ACAP3: variants seen among roughly 807,000 people sequenced by gnomAD.
The protein encoded by ACAP3 is ArfGAP with coiled-coil, ankyrin repeat and PH domains 3, also known as arf-GAP with coiled-coil, ANK repeat and PH domain-containing protein 3.
Under a neutral mutation model 104.1 loss-of-function variants are expected in ACAP3, and 56 were observed. The ratio of observed to expected loss-of-function variants is 0.54; its 90% CI spans 0.43 to 0.67. The LOEUF is 0.67. Among genes scored for constraint, ACAP3 ranks in the 30% least tolerant of loss-of-function variants. The pLI is 0.00. For synonymous variants in ACAP3, 628 were observed against 496.2 expected (o/e 1.27, Z -3.53); for missense variants, 1,208 against 1,174.9 (o/e 1.03, Z -0.41).
At chr1:1,296,661 C>G in intron 14 of ACAP3, 28 bp from the exon 15 acceptor site, 1 of 1,520,302 alleles carries the variant, frequency 6.6e-7, no homozygotes, top group South Asian at 1.2e-5. Flanking sequence ...GCTGCTCGGT[C>G]CCGCAGGGGC....
Position 1,295,880 on chromosome 1 carries a change from C to G in ACAP3, c.1561G>C (p.Ala521Pro), listed in dbSNP as rs757015254. The change falls in exon 18 of 24, where the codon GCG becomes CCG. Residue 521 changes from alanine to proline, a missense_variant. Ala to Pro is a conservative substitution (Grantham distance 27). Coordinates refer to ENST00000354700, the MANE Select transcript of ACAP3 (RefSeq NM_030649.3). The stretch of plus-strand genomic sequence containing the variant: ...GCCTCCAGGGCTGGTGCCATGGGCG[C>G]CTTCCGCAGAAACTTCTTTTCCACG... The part of the protein sequence containing the change: ...KYVEKKFLRK[A>P]PMAPALEAPR... 7 of 1,612,048 alleles carry G rather than the reference C, an allele frequency of 4.3e-6. No individual in the cohort carries two copies. The South Asian group carries it at 5.5e-5, about 13-fold the overall frequency.
In ACAP3 at chr1:1,296,330, C is replaced by T. The variant is rs1453658069; in HGVS notation, c.1338-50G>A. The T allele has an allele frequency of 2.6e-6, 4 of 1,549,262 alleles. No homozygotes were observed. In the Admixed American group the frequency reaches 7.8e-5, roughly 30 times the overall value. ...TCTGGGGGAGGCAAGGCCCCCAGCTCCGGCCCAACCCCCACCCCCGGCCTG... is the reference window on the plus strand; with the variant it reads ...TCTGGGGGAGGCAAGGCCCCCAGCTTCGGCCCAACCCCCACCCCCGGCCTG... On this transcript the variant is annotated intron_variant, in intron 15 of 23. Transcript: ENST00000354700.
chr1:1,295,513 A>C lies in ACAP3; in HGVS notation c.1747T>G (p.Cys583Gly). The change falls in exon 19 of 24, where the codon TGT (cysteine) becomes GGT (glycine). Residue 583 changes from cysteine (C) to glycine (G), a missense_variant. Cys to Gly is a radical substitution (Grantham distance 159). Transcript: ENST00000354700. ...DRKFRRDSLF[C>G]PDELDSLFSY... is the part of the protein sequence containing the mutation. Reference sequence around the variant, plus strand: ...AAGAGCGAGTCCAGCTCGTCGGGACAGAAGAGGGAGTCTCGGCGGAACTTA... The same window carrying C: ...AAGAGCGAGTCCAGCTCGTCGGGACCGAAGAGGGAGTCTCGGCGGAACTTA... 6.2e-7 allele frequency: 1 copy of C among 1,612,646 alleles called. No individual in the cohort carries two copies. The highest frequency in any genetic ancestry group is 8.5e-7 in the Non-Finnish European group (1 of 1,179,908).
chr1:1,297,148 CGT>C (rs747328754), intron 14 of ACAP3, among the ~76,000 whole-genome samples: 27 of 145,254 alleles, frequency 1.9e-4, no homozygotes, highest in East Asian at 1.5e-3. Context: ...CCCAGTGGCA[CGT>C]GTGTGTGTGC....
chr1:1,294,738 A>C lies in ACAP3; in HGVS notation c.1892T>G (p.Val631Gly). ...DVLAFGSGSV[V>G]DSVTEEEGAE... is the part of the protein sequence containing the mutation. ...CCCACCCTCCTCAGTGACGCTGTCC[A>C]CCACAGAGCCCGAGCCGAAAGCCAG... Residue 631 changes from valine to glycine, a missense_variant, in exon 20 of 24, where the codon GTG becomes GGG. By Grantham distance (109) the Val-to-Gly change is moderately radical (BLOSUM62 -3). Transcript: ENST00000354700. 6.5e-7 allele frequency: 1 copy of C among 1,549,680 alleles called. No individual in the cohort carries two copies.
chr1:1,303,355 A>G lies in ACAP3; in HGVS notation c.106-74T>C. On this transcript the variant is annotated intron_variant, in intron 2 of 23. Transcript: ENST00000354700. The surrounding 1 kb of genome is among the most constrained non-coding windows in gnomAD (Gnocchi z 4.0). Reference sequence around the variant, plus strand: ...CTCGCCACCACACACGGCCACTCAGAGGCAGGAAGAGCTCCCAGGGTAGGT... The same window carrying G: ...CTCGCCACCACACACGGCCACTCAGGGGCAGGAAGAGCTCCCAGGGTAGGT... The G allele has an allele frequency of 6.6e-7, 1 of 1,521,940 alleles. No individual in the cohort carries two copies. Among genetic ancestry groups the G allele is most frequent in the Non-Finnish European group, 8.8e-7 (1 of 1,130,842 alleles). The allele number at this position is 1,521,940 out of a possible 1,614,324, so 94.3% of individuals were successfully genotyped here.
In ACAP3 at chr1:1,293,872, C is replaced by T. The variant is rs1331831565; in HGVS notation, c.2311G>A (p.Asp771Asn). The change falls in exon 23 of 24, where the codon GAC becomes AAC. Residue 771 changes from aspartate to asparagine, a missense_variant. Coordinates refer to ENST00000354700, the MANE Select transcript of ACAP3 (RefSeq NM_030649.3). The part of the protein sequence containing the change: ...DQHALDQEQR[D>N]PLAIAVQAAN... ...GCCTGCACTGCGATGGCCAACGGGT[C>T]CCGCTGCTCTTGGTCCAGGGCGTGC... 2 of 1,578,522 alleles carry T rather than the reference C, an allele frequency of 1.3e-6. No homozygotes were observed. Among genetic ancestry groups the T allele is most frequent in the East Asian group, 2.4e-5 (1 of 41,950 alleles).
intron 5 of ACAP3, 62 bp from the exon 6 acceptor site, chr1:1,300,754 C>T: frequency 6.5e-7 from 1 of 1,529,608 alleles, no homozygotes; most frequent in South Asian, 1.2e-5. Context: ...ATCCTGGAGT[C>T]TCCCACATCG....
chr1:1,303,901 G>C lies in ACAP3; in HGVS notation c.105+185C>G, dbSNP rs1641564745. The stretch of plus-strand genomic sequence containing the variant: ...GGACGAGACTCAGGGCCAGCCACAT[G>C]TGTGCATGTGACATGTGCACCCTGG... On this transcript the variant is annotated intron_variant, in intron 2 of 23. Transcript: ENST00000354700. The surrounding 1 kb of genome is among the most constrained non-coding windows in gnomAD (Gnocchi z 4.0). The C allele has an allele frequency of 2.8e-6, 2 of 716,976 alleles. No homozygotes were observed. The highest frequency in any genetic ancestry group is 1.8e-5 in the African/African-American group (1 of 56,306). The allele number at this position is 716,976 out of a possible 1,614,324, so 44.4% of individuals were successfully genotyped here. A position where few individuals can be genotyped will look rare whatever the true frequency, so the allele number is the denominator to read the frequency against.
intron 23 of ACAP3, 23 bp from the exon 24 acceptor site, chr1:1,293,731 A>ACGCCCCTGCCCTGGAGGCCC (rs70949568): frequency 0.35 from 330,406 of 941,550 alleles, 137,353 homozygotes; most frequent in Admixed American, 0.59. Flanking sequence ...ACAGCGTGAG[A>ACGCCCCTGCCCTGGAGGCCC]CGCCCCTGCC....
At chr1:1,302,886 G>A (rs912219463) in intron 4 of ACAP3, 36 bp downstream of exon 4, 2 of 1,603,580 alleles carry the variant, frequency 1.2e-6, no homozygotes, top group Non-Finnish European at 1.7e-6. Context: ...TTCCAGGCCA[G>A]GCACAGCCCA....
Position 1,303,971 on chromosome 1 carries a change from C to A in ACAP3, c.105+115G>T. 1.6e-6 allele frequency: 2 copies of A among 1,267,062 alleles called. No individual in the cohort carries two copies. The highest frequency in any genetic ancestry group is 2.2e-6 in the Non-Finnish European group (2 of 906,344). 78.5% of individuals were successfully genotyped at this position (1,267,062 alleles called of 1,614,324 possible). On this transcript the variant is annotated intron_variant, in intron 2 of 23. Coordinates refer to ENST00000354700, the MANE Select transcript of ACAP3 (RefSeq NM_030649.3). The surrounding 1 kb of genome is among the most constrained non-coding windows in gnomAD (Gnocchi z 4.0). ...AGGGACCAGGACCTGGAGCACCACA[C>A]GCATGCTCCACATATGGGGGGTGTA...
chr1:1,299,676 C>T, intron 9 of ACAP3, 155 bp downstream of exon 9: 1 of 944,304 alleles, frequency 1.1e-6, no homozygotes, highest in Admixed American at 2.9e-5. Flanking sequence ...CTGCACACAT[C>T]AAAGGGAGCA....
At chr1:1,298,762 T>TGAGGTC in intron 10 of ACAP3, 83 bp from the exon 11 acceptor site, 1 of 1,061,330 alleles carries the variant, frequency 9.4e-7, no homozygotes, top group East Asian at 2.5e-5. Context: ...CAGGTGGGGG[T>TGAGGTC]GAGGTCCTTG....
chr1:1,295,964 G>A lies in ACAP3; in HGVS notation c.1503-26C>T, dbSNP rs182105865. 44 of 1,612,638 alleles carry A rather than the reference G, an allele frequency of 2.7e-5. 2 individuals are homozygous for A. Among genetic ancestry groups the A allele is most frequent in the South Asian group, 2.6e-4 (24 of 91,082 alleles). The stretch of plus-strand genomic sequence containing the variant: ...CTGGACCAGGGGGGAACATGAGGCT[G>A]TGCCCCCAGGCTGGGGCTCCCTGAC... On this transcript the variant is annotated intron_variant, in intron 17 of 23. Coordinates refer to ENST00000354700, the MANE Select transcript of ACAP3 (RefSeq NM_030649.3).
At chr1:1,297,991 AC>A (rs1557602442) in intron 13 of ACAP3, 21 bp downstream of exon 13, 1 of 1,611,150 alleles carries the variant, frequency 6.2e-7, no homozygotes, top group Non-Finnish European at 8.5e-7. Flanking sequence ...CCCCCGCCCC[AC>A]CCTGGGCTGG....
chr1:1,294,451 G>A lies in ACAP3; in HGVS notation c.2090C>T (p.Ala697Val), dbSNP rs1172362872. The change falls in exon 21 of 24, where the codon GCG becomes GTG. Residue 697 changes from alanine to valine, a missense_variant. Coordinates refer to ENST00000354700, the MANE Select transcript of ACAP3 (RefSeq NM_030649.3). Reference sequence around the variant, plus strand: ...CGTCTTGCCCTCATCCTCCGCGTCCGCCCAGTTGACCTCGGCCCCGTGGGC... The same window carrying A: ...CGTCTTGCCCTCATCCTCCGCGTCCACCCAGTTGACCTCGGCCCCGTGGGC... The part of the protein sequence containing the change: ...ALAHGAEVNW[A>V]DAEDEGKTPL... 9 of 1,573,002 alleles carry A rather than the reference G, an allele frequency of 5.7e-6. No individual in the cohort carries two copies. The highest frequency in any genetic ancestry group is 1.7e-4 in the Middle Eastern group (1 of 6,012).
rs11260584 is a variant in ACAP3 at position 1,303,959 on chromosome 1, T to G, written c.105+127A>C. On this transcript the variant is annotated intron_variant, in intron 2 of 23. Coordinates refer to ENST00000354700, the MANE Select transcript of ACAP3 (RefSeq NM_030649.3). The surrounding 1 kb of genome is among the most constrained non-coding windows in gnomAD (Gnocchi z 4.0). ...ATGCTAAGACACAGGGACCAGGACC[T>G]GGAGCACCACACGCATGCTCCACAT... 0.88 allele frequency: 1,003,089 copies of G among 1,141,564 alleles called. 450,506 individuals are homozygous for G. The highest frequency in any genetic ancestry group is 0.93 in the Non-Finnish European group (741,999 of 800,190). 70.7% of individuals were successfully genotyped at this position (1,141,564 alleles called of 1,614,324 possible). A position where few individuals can be genotyped will look rare whatever the true frequency, so the allele number is the denominator to read the frequency against.
At chr1:1,306,941 C>T (rs1557614151) in intron 1 of ACAP3, 4 of 387,528 alleles carry the variant, frequency 1.0e-5, no homozygotes, top group South Asian at 3.8e-5. Flanking sequence ...AGCACAGCCC[C>T]GTGGCACAGC....
Sources: gnomAD v4.1 joint callset for allele counts (sites outside exome capture counted in the v4.1 genomes callset) on GRCh38, gnomAD v4.1.1 for gene constraint, Gnocchi (gnomAD v3.1) non-coding constraint, MANE v1.5 for transcripts, NCBI Gene and HGNC (gene_info 2026-07-23, HGNC 2026-07-21) for gene names.